HDAC9: variants seen among roughly 807,000 people sequenced by gnomAD.
The protein encoded by HDAC9 is histone deacetylase 9, also known as MEF-2 interacting transcription repressor (MITR) protein.
HDAC9 carries 41 observed loss-of-function variants against 139.4 expected under a neutral mutation model. That is an observed-to-expected ratio of 0.29 (90% CI 0.23 to 0.38). The LOEUF is 0.38. HDAC9 is among the 10% of genes least tolerant of loss of function. The probability of loss-of-function intolerance (pLI) is 1.00; values close to 1 mark genes in which losing one functional copy is unlikely to be tolerated. For synonymous variants in HDAC9, 517 were observed against 476.2 expected, an observed-to-expected ratio of 1.09 and a Z score of -1.12; for missense variants, 1,147 against 1,297.0, an observed-to-expected ratio of 0.88 and a Z score of 1.78.
intron 22 of HDAC9, among the ~76,000 whole-genome samples, chr7:18,928,821 A>G (rs1804465659): frequency 6.9e-6 from 1 of 145,928 alleles, no homozygotes; most frequent in South Asian, 2.1e-4. Context: ...GATGATGATC[A>G]TTTATTTTAT....
intron 22 of HDAC9, among the ~76,000 whole-genome samples, chr7:18,932,168 A>T (rs1804803145): frequency 6.6e-6 from 1 of 152,208 alleles, no homozygotes; most frequent in African/African-American, 2.4e-5. Context: ...TGAAAAATTC[A>T]ATTGATTTAA....
chr7:18,802,253 A>G (rs916374860), intron 17 of HDAC9, among the ~76,000 whole-genome samples: 1 of 151,896 alleles, frequency 6.6e-6, no homozygotes, highest in African/African-American at 2.4e-5. Flanking sequence ...TATTTCCATT[A>G]TCTCCTTTTT....
At chr7:18,862,906 T>C (rs1455573180) in intron 21 of HDAC9, among the ~76,000 whole-genome samples, 1 of 152,196 alleles carries the variant, frequency 6.6e-6, no homozygotes, top group Non-Finnish European at 1.5e-5. Flanking sequence ...TGTCACATTT[T>C]CTGAAGGTGT....
intron 1 of HDAC9, among the ~76,000 whole-genome samples, chr7:18,407,271 G>A (rs1000129310): frequency 4.6e-5 from 7 of 152,078 alleles, no homozygotes; most frequent in Non-Finnish European, 2.9e-5. Context: ...AATGCTATCC[G>A]ATGATTCCTT....
intron 13 of HDAC9, among the ~76,000 whole-genome samples, chr7:18,739,735 G>A (rs987175073): frequency 1.3e-5 from 2 of 152,218 alleles, no homozygotes; most frequent in Non-Finnish European, 2.9e-5. Context: ...GGACCCACTC[G>A]AGGAGGCAGT....
At chr7:18,599,927 A>T (rs1217218263) in intron 6 of HDAC9, among the ~76,000 whole-genome samples, 1 of 152,192 alleles carries the variant, frequency 6.6e-6, no homozygotes, top group Non-Finnish European at 1.5e-5. Flanking sequence ...TAGCAATATA[A>T]CAGAGTTCCT....
At position 18,874,431 on chromosome 7, in the gene HDAC9, G is replaced by T. The variant is rs1214809965; in HGVS notation, c.2685-47G>T. ...TCGTTTTCACTGAACGATTTTTAAA[G>T]GTATTCACCAGTCCCACGTGTGACC... On this transcript the variant is annotated intron_variant, in intron 21 of 25. Transcript: ENST00000686413. The T allele has an allele frequency of 2.5e-6, 3 of 1,200,200 alleles. No homozygotes were observed. The African/African-American group carries it at 4.5e-5, about 18-fold the overall frequency. The allele number at this position is 1,200,200 out of a possible 1,614,324, so 74.3% of individuals were successfully genotyped here.
At chr7:18,195,833 A>AT (rs1790689115) in intron 2 of HDAC9, among the ~76,000 whole-genome samples, 1 of 152,160 alleles carries the variant, frequency 6.6e-6, no homozygotes, top group Non-Finnish European at 1.5e-5. Context: ...ATGTTTCATC[A>AT]TAACGTGAAC....
rs534328006 is a variant in HDAC9 at position 18,563,407 on chromosome 7, A to G, written c.23-21874A>G. ...CTCCAAAAATATATAAGCTCCAGTT[A>G]TTCAATGGTTATGTTTTTGTTATCT... On this transcript the variant is annotated intron_variant, in intron 2 of 25. Transcript: ENST00000686413. Among the ~76,000 whole-genome samples the G allele has an allele frequency of 4.6e-5, 7 of 152,172 alleles. No individual in the cohort carries two copies. The South Asian group carries it at 1.0e-3, about 23-fold the overall frequency.
At chr7:18,500,897 AT>A in intron 2 of HDAC9, among the ~76,000 whole-genome samples, 1 of 152,256 alleles carries the variant, frequency 6.6e-6, no homozygotes, top group South Asian at 2.1e-4. Context: ...GAAAGGAGAT[AT>A]AGATCTCAGG....
At chr7:18,952,982 A>G (rs910794536) in intron 23 of HDAC9, among the ~76,000 whole-genome samples, 2 of 152,056 alleles carry the variant, frequency 1.3e-5, no homozygotes, top group African/African-American at 4.8e-5. Context: ...GGCATCTGGA[A>G]TAAAGGTGCT....
At chr7:18,187,808 G>A (rs567073136) in intron 2 of HDAC9, among the ~76,000 whole-genome samples, 1 of 152,098 alleles carries the variant, frequency 6.6e-6, no homozygotes, top group Non-Finnish European at 1.5e-5. Flanking sequence ...TAATCACAAG[G>A]CATTCCTACT....
At chr7:18,205,719 T>C (rs1002686760) in intron 2 of HDAC9, among the ~76,000 whole-genome samples, 9 of 152,134 alleles carry the variant, frequency 5.9e-5, no homozygotes, top group Non-Finnish European at 8.8e-5. Context: ...CTTTTTAATT[T>C]TCTAATTAAA....
chr7:18,437,262 C>G (rs147992800), intron 1 of HDAC9, among the ~76,000 whole-genome samples: 3 of 152,112 alleles, frequency 2.0e-5, no homozygotes, highest in African/African-American at 7.2e-5. Flanking sequence ...TTCAAGAACA[C>G]TAAAGCCTGC....
At chr7:18,833,155 C>A (rs1259357021) in intron 19 of HDAC9, among the ~76,000 whole-genome samples, 1 of 152,122 alleles carries the variant, frequency 6.6e-6, no homozygotes, top group African/African-American at 2.4e-5. Context: ...TCAAGAATTG[C>A]CCCATTAGAA....
intron 8 of HDAC9, among the ~76,000 whole-genome samples, chr7:18,644,139 C>T (rs1786606821): frequency 6.6e-6 from 1 of 152,004 alleles, no homozygotes; most frequent in Admixed American, 6.6e-5. Flanking sequence ...TAAAAATACA[C>T]CACACAGAAT....
chr7:18,405,920 C>G (rs10216127), intron 1 of HDAC9, among the ~76,000 whole-genome samples: 1,923 of 152,260 alleles, frequency 0.013, 43 homozygotes, highest in African/African-American at 0.044. Flanking sequence ...CCTGGCAGTT[C>G]CTCTCTGTTC....
At chr7:18,537,552 A>G (rs1586795996) in intron 2 of HDAC9, among the ~76,000 whole-genome samples, 2 of 152,176 alleles carry the variant, frequency 1.3e-5, no homozygotes, top group African/African-American at 4.8e-5. Context: ...ATTTCTGTCA[A>G]CAACAGAATC....
intron 6 of HDAC9, among the ~76,000 whole-genome samples, chr7:18,602,741 T>G (rs986702623): frequency 6.6e-6 from 1 of 152,084 alleles, no homozygotes; most frequent in African/African-American, 2.4e-5. Context: ...TTCTAATTAC[T>G]TGAGTATTTG....
Sources: gnomAD v4.1 joint callset for allele counts (sites outside exome capture counted in the v4.1 genomes callset) on GRCh38, gnomAD v4.1.1 for gene constraint, MANE v1.5 for transcripts, NCBI Gene and HGNC (gene_info 2026-07-23, HGNC 2026-07-21) for gene names.